Variants in ADAMTS17 observed in about 807,000 individuals in gnomAD.
ADAMTS17 encodes the protein A disintegrin and metalloproteinase with thrombospondin motifs 17.
In ADAMTS17, 113 loss-of-function variants were observed where a neutral mutation model predicts 141.5. The observed-to-expected ratio is 0.80, with a 90% CI of 0.69 to 0.93. The LOEUF (loss-of-function observed/expected upper bound fraction) is 0.93. Ranked by LOEUF, ADAMTS17 falls within the 40% of genes least tolerant of loss-of-function variation. ADAMTS17 has a pLI of 0.00. For missense variants in ADAMTS17, 1,659 were observed against 1,517.9 expected (o/e 1.09, Z -1.54); for synonymous variants, 768 against 630.6 (o/e 1.22, Z -3.27).
chr15:100,161,289 C>A (rs1398418141), intron 8 of ADAMTS17, among the ~76,000 whole-genome samples: 1 of 152,220 alleles, frequency 6.6e-6, no homozygotes, highest in Non-Finnish European at 1.5e-5. Context: ...GAACCTCTGC[C>A]ACTCTGGAAG....
intron 14 of ADAMTS17, among the ~76,000 whole-genome samples, chr15:100,108,543 T>TG (rs562414506): frequency 7.0e-4 from 106 of 152,272 alleles, no homozygotes; most frequent in African/African-American, 2.4e-3. Flanking sequence ...CTCAATGCCT[T>TG]TGGGACTATA....
intron 4 of ADAMTS17, among the ~76,000 whole-genome samples, chr15:100,267,259 G>A (rs2062647960): frequency 6.6e-6 from 1 of 151,026 alleles, no homozygotes; most frequent in African/African-American, 2.4e-5. Context: ...TGTGTCACTT[G>A]GCATACTGTC....
intron 13 of ADAMTS17, among the ~76,000 whole-genome samples, chr15:100,111,487 C>T (rs1296096589): frequency 1.3e-5 from 2 of 152,236 alleles, no homozygotes; most frequent in African/African-American, 4.8e-5. Flanking sequence ...CACTGAGGTA[C>T]CCTCTGGAGC....
At chr15:100,156,628 G>A (rs2039449341) in intron 8 of ADAMTS17, among the ~76,000 whole-genome samples, 1 of 152,112 alleles carries the variant, frequency 6.6e-6, no homozygotes, top group African/African-American at 2.4e-5. Context: ...GTGGCTACAT[G>A]TTGGGTTAAC....
chr15:100,272,862 G>C (rs1214598843), intron 4 of ADAMTS17, among the ~76,000 whole-genome samples: 2 of 151,972 alleles, frequency 1.3e-5, no homozygotes, highest in Non-Finnish European at 2.9e-5. Context: ...TGTTGAGGTA[G>C]TTTCCTTCTA....
chr15:100,174,835 A>G (rs973799811), intron 8 of ADAMTS17, among the ~76,000 whole-genome samples: 20 of 152,360 alleles, frequency 1.3e-4, no homozygotes, highest in African/African-American at 4.6e-4. Flanking sequence ...TTTTACTAGC[A>G]GCAACTTTGT....
intron 15 of ADAMTS17, chr15:100,063,465 C>A (rs1185340793): frequency 2.8e-6 from 1 of 360,700 alleles, no homozygotes; most frequent in African/African-American, 2.1e-5. Flanking sequence ...CATCATTTTC[C>A]TTCCTGTTCC....
intron 18 of ADAMTS17, among the ~76,000 whole-genome samples, chr15:100,001,882 C>T (rs902904589): frequency 6.7e-6 from 1 of 148,544 alleles, no homozygotes; most frequent in African/African-American, 2.5e-5. Flanking sequence ...GGTGAGAGAA[C>T]TGTCTGGACC....
intron 3 of ADAMTS17, among the ~76,000 whole-genome samples, chr15:100,295,203 C>T (rs2044767847): frequency 6.6e-6 from 1 of 152,120 alleles, no homozygotes; most frequent in Non-Finnish European, 1.5e-5. Context: ...AACTTGGTGC[C>T]CTTGAAGTTT....
intron 2 of ADAMTS17, among the ~76,000 whole-genome samples, chr15:100,337,040 A>AT (rs2046227815): frequency 6.6e-6 from 1 of 152,076 alleles, no homozygotes; most frequent in African/African-American, 2.4e-5. Flanking sequence ...TGCCCAGCTA[A>AT]TTTTTTGTAT....
At chr15:100,325,579 G>A (rs1302316749) in intron 3 of ADAMTS17, among the ~76,000 whole-genome samples, 1 of 152,144 alleles carries the variant, frequency 6.6e-6, no homozygotes, top group Non-Finnish European at 1.5e-5. Flanking sequence ...ATGGCTTAGT[G>A]CCATCCCCGT....
intron 10 of ADAMTS17, among the ~76,000 whole-genome samples, chr15:100,136,501 T>A (rs933857471): frequency 6.6e-6 from 1 of 152,168 alleles, no homozygotes; most frequent in Non-Finnish European, 1.5e-5. Context: ...GCCTTCTAGA[T>A]CAACAGCCTG....
chr15:100,163,067 T>G (rs977861973), intron 8 of ADAMTS17, among the ~76,000 whole-genome samples: 1 of 149,418 alleles, frequency 6.7e-6, no homozygotes, highest in African/African-American at 2.4e-5. Context: ...TATATATATG[T>G]GTATACATAT....
At chr15:100,017,430 CTTCTCCCTGTGGTG>C (rs1439643532) in intron 18 of ADAMTS17, among the ~76,000 whole-genome samples, 72 of 152,354 alleles carry the variant, frequency 4.7e-4, no homozygotes. Context: ...TGGAGACTTC[CTTCTCCCTGTGGTG>C]TTCAGCCTCT....
At chr15:100,031,040 G>C (rs1490821835) in intron 18 of ADAMTS17, among the ~76,000 whole-genome samples, 2 of 152,156 alleles carry the variant, frequency 1.3e-5, no homozygotes, top group African/African-American at 4.8e-5. Flanking sequence ...GGAATTTATA[G>C]GCATTACTTC....
At chr15:100,117,484 G>T (rs1194123224) in intron 12 of ADAMTS17, among the ~76,000 whole-genome samples, 1 of 152,150 alleles carries the variant, frequency 6.6e-6, no homozygotes, top group African/African-American at 2.4e-5. Flanking sequence ...ATAATGAAAA[G>T]AATAAGAACA....
intron 3 of ADAMTS17, among the ~76,000 whole-genome samples, chr15:100,291,703 G>A (rs112367438): frequency 5.1e-4 from 78 of 152,286 alleles, no homozygotes; most frequent in African/African-American, 1.5e-3. Context: ...CATGGATGGA[G>A]CGAAAGGCCA....
At chr15:100,073,844 A>G (rs982285139) in intron 15 of ADAMTS17, among the ~76,000 whole-genome samples, 2 of 151,944 alleles carry the variant, frequency 1.3e-5, no homozygotes, top group Non-Finnish European at 2.9e-5. Flanking sequence ...CAGCACACCA[A>G]CATGGCACAT....
chr15:100,241,785 GC>G (rs2042835143), intron 7 of ADAMTS17, among the ~76,000 whole-genome samples: 1 of 152,124 alleles, frequency 6.6e-6, no homozygotes, highest in East Asian at 1.9e-4. Context: ...CCATGACTCA[GC>G]CCTTTTCTAT....
Sources: allele counts gnomAD v4.1 joint callset (sites outside exome capture counted in the v4.1 genomes callset), GRCh38; gene constraint gnomAD v4.1.1; transcripts MANE v1.5; gene names NCBI Gene and HGNC (gene_info 2026-07-23, HGNC 2026-07-21).